Variants in PCBD1 observed in about 807,000 individuals in gnomAD.
PCBD1 encodes pterin-4-alpha-carbinolamine dehydratase.
A neutral mutation model predicts 12.6 loss-of-function variants in PCBD1; 16 were observed. The observed-to-expected ratio is 1.27, with a 90% CI of 0.86 to 1.93. The LOEUF (loss-of-function observed/expected upper bound fraction) is 1.93, where lower values mean the gene tolerates loss of function less well. Ranked by LOEUF, PCBD1 falls within the 30% of genes most tolerant of loss-of-function variation. PCBD1 has a pLI of 0.00. For missense variants in PCBD1, 86 were observed against 130.1 expected (o/e 0.66, Z 1.65); for synonymous variants, 53 against 50.2 (o/e 1.05, Z -0.23).
At chr10:70,885,101 G>A (rs761700479) in intron 3 of PCBD1, 51 bp downstream of exon 3, 33 of 1,442,552 alleles carry the variant, frequency 2.3e-5, no homozygotes, top group Admixed American at 5.0e-5. Flanking sequence ...GTCAGAGTTC[G>A]CAGTATTTGG....
At position 70,883,946 on chromosome 10, in the gene PCBD1, G is replaced by C. The variant is rs1230994886; in HGVS notation, c.*4C>G. The C allele has an allele frequency of 6.2e-7, 1 of 1,613,386 alleles. No individual in the cohort carries two copies. Among genetic ancestry groups the C allele is most frequent in the Non-Finnish European group, 8.5e-7 (1 of 1,179,776 alleles). On this transcript the variant is annotated 3_prime_UTR_variant, in exon 4 of 4. Transcript: ENST00000299299. ...CGGAAGAATTCAAAGAGGAAGGGCAGGGTCTATGTCATGGACACTGCTACT... is the reference window on the plus strand; with the variant it reads ...CGGAAGAATTCAAAGAGGAAGGGCACGGTCTATGTCATGGACACTGCTACT...
intron 1 of PCBD1, among the ~76,000 whole-genome samples, chr10:70,887,214 A>G (rs1261680536): frequency 6.6e-6 from 1 of 152,108 alleles, no homozygotes; most frequent in Admixed American, 6.5e-5. Flanking sequence ...TGTCATCTGC[A>G]TTACAAAAAA....
chr10:70,885,733 A>C (rs1846571390), intron 2 of PCBD1, 65 bp downstream of exon 2: 2 of 1,598,868 alleles, frequency 1.3e-6, no homozygotes, highest in Non-Finnish European at 8.6e-7. Flanking sequence ...AAGGGAGAGA[A>C]CATGCTTTGT....
Position 70,885,214 on chromosome 10 carries a change from T to G in PCBD1, c.154A>C (p.Arg52=). ...AGTTTCTCAGCCTGCAGGGCCACTC[T>G]TGTCATGAACCCAAAGGCCTATTTA... ...DFNRAFGFMT[R]VALQAEKLDH... The change falls in exon 3 of 4, where the codon AGA becomes CGA. Residue 52 remains arginine (R), a synonymous_variant. Transcript: ENST00000299299. 6.2e-7 allele frequency: 1 copy of G among 1,614,058 alleles called. No individual in the cohort carries two copies. Among genetic ancestry groups the G allele is most frequent in the African/African-American group, 1.3e-5 (1 of 75,042 alleles).
chr10:70,885,591 A>G (rs1268504467), intron 2 of PCBD1, among the ~76,000 whole-genome samples: 1 of 152,222 alleles, frequency 6.6e-6, no homozygotes, highest in Non-Finnish European at 1.5e-5. Flanking sequence ...CCCAAGACAC[A>G]TCCTCCTATG....
At chr10:70,886,631 T>TAGGCACTA (rs1395080803) in intron 1 of PCBD1, among the ~76,000 whole-genome samples, 2 of 152,204 alleles carry the variant, frequency 1.3e-5, no homozygotes, top group East Asian at 3.8e-4. Context: ...CTCTAGTAGG[T>TAGGCACTA]CCTCAGTCAT....
rs770934953 is a variant in PCBD1 at position 70,885,852 on chromosome 10, C to T, written c.81G>A (p.Glu27=). ...TGAAGATGGCATCACGGCCTTCCAG[C>T]TCATTCCACCCCACAGCCCTCAGGT... The part of the protein sequence containing the change: ...LPNLRAVGWN[E]LEGRDAIFKQ... Residue 27 remains glutamate, a synonymous_variant, in exon 2 of 4, where the codon GAG becomes GAA. Transcript: ENST00000299299. 1 of 1,614,072 alleles carries T rather than the reference C, an allele frequency of 6.2e-7. No individual in the cohort carries two copies. Among genetic ancestry groups the T allele is most frequent in the South Asian group, 1.1e-5 (1 of 91,024 alleles).
At chr10:70,884,602 C>G (rs1159656473) in intron 3 of PCBD1, among the ~76,000 whole-genome samples, 1 of 151,654 alleles carries the variant, frequency 6.6e-6, no homozygotes, top group African/African-American at 2.4e-5. Flanking sequence ...CTGCCTCAGC[C>G]TCCCCAGTAG....
At chr10:70,884,888 G>A (rs1413178171) in intron 3 of PCBD1, among the ~76,000 whole-genome samples, 1 of 152,046 alleles carries the variant, frequency 6.6e-6, no homozygotes, top group Non-Finnish European at 1.5e-5. Flanking sequence ...CCTTCTTAAT[G>A]TCTACTTAAA....
intron 1 of PCBD1, 74 bp downstream of exon 1, chr10:70,888,457 C>A: frequency 6.9e-7 from 1 of 1,447,866 alleles, no homozygotes; most frequent in South Asian, 1.3e-5. Flanking sequence ...TCCCCCGCCC[C>A]TTCCCGCTCC....
At chr10:70,885,749 G>A in intron 2 of PCBD1, 49 bp downstream of exon 2, 1 of 1,610,104 alleles carries the variant, frequency 6.2e-7, no homozygotes, top group South Asian at 1.1e-5. Flanking sequence ...TTTGTAAGGT[G>A]ACCCCATCAG....
chr10:70,886,670 G>A (rs1160283677), intron 1 of PCBD1, among the ~76,000 whole-genome samples: 2 of 152,222 alleles, frequency 1.3e-5, no homozygotes, highest in African/African-American at 4.8e-5. Flanking sequence ...GTCCTGAGCC[G>A]CCAGGGCTAG....
chr10:70,888,513 G>T lies in PCBD1; in HGVS notation c.3+18C>A. 6.9e-7 allele frequency: 1 copy of T among 1,440,846 alleles called. No individual in the cohort carries two copies. Among genetic ancestry groups the T allele is most frequent in the South Asian group, 1.4e-5 (1 of 71,910 alleles). 89.3% of individuals were successfully genotyped at this position (1,440,846 alleles called of 1,614,324 possible). A position where few individuals can be genotyped will look rare whatever the true frequency, so the allele number is the denominator to read the frequency against. On this transcript the variant is annotated intron_variant, in intron 1 of 3. Coordinates refer to ENST00000299299, the MANE Select transcript of PCBD1 (RefSeq NM_000281.4). Reference sequence around the variant, plus strand: ...CGGCCCCGCTGCCCCGATCGCGGCCGCGCACCCCTGGACTCACCATGGCGC... The same window carrying T: ...CGGCCCCGCTGCCCCGATCGCGGCCTCGCACCCCTGGACTCACCATGGCGC...
intron 1 of PCBD1, 26 bp downstream of exon 1, chr10:70,888,476 CCGCGGCTGCCCCGGCCCCGCTGCCCCGAT>C: frequency 6.9e-7 from 1 of 1,458,700 alleles, no homozygotes; most frequent in Non-Finnish European, 9.0e-7. Flanking sequence ...CCCACCTCGC[CCGCGGCTGCCCCGGCCCCGCTGCCCCGAT>C]CGCGGCCGCG....
At chr10:70,885,029 G>A in intron 3 of PCBD1, 123 bp downstream of exon 3, 2 of 795,686 alleles carry the variant, frequency 2.5e-6, no homozygotes, top group South Asian at 1.4e-5. Flanking sequence ...TTGGAAATGA[G>A]ATGAGTGGAT....
intron 1 of PCBD1, chr10:70,888,194 G>A (rs1370869618): frequency 3.8e-6 from 1 of 260,482 alleles, no homozygotes; most frequent in Non-Finnish European, 7.2e-6. Context: ...GCCACCAAGG[G>A]GACGAGATCC....
At chr10:70,882,699 T>G (rs1029695994), downstream of PCBD1, among the ~76,000 whole-genome samples, 5 of 152,188 alleles carry the variant, frequency 3.3e-5, no homozygotes, top group Non-Finnish European at 5.9e-5. Flanking sequence ...TCAAATGTTA[T>G]CCTCATTCAG....
Position 70,883,794 on chromosome 10 carries a change from C to A in PCBD1, c.*156G>T. ...TCTAAATTCCTGGTGTTGGTGGGGA[C>A]ACTGGCACATCCCACAGCAAGGACT... On this transcript the variant is annotated 3_prime_UTR_variant, in exon 4 of 4. Coordinates refer to ENST00000299299, the MANE Select transcript of PCBD1 (RefSeq NM_000281.4). The A allele has an allele frequency of 6.6e-7, 1 of 1,516,696 alleles. No homozygotes were observed. Among genetic ancestry groups the A allele is most frequent in the Non-Finnish European group, 8.8e-7 (1 of 1,132,294 alleles). The allele number at this position is 1,516,696 out of a possible 1,614,324, so 94.0% of individuals were successfully genotyped here.
downstream of PCBD1, among the ~76,000 whole-genome samples, chr10:70,882,916 T>C (rs1846521233): frequency 6.6e-6 from 1 of 152,196 alleles, no homozygotes; most frequent in African/African-American, 2.4e-5. Flanking sequence ...GCATCTCTAA[T>C]CTGAAAATCA....
Sources: allele counts gnomAD v4.1 joint callset (sites outside exome capture counted in the v4.1 genomes callset), GRCh38; gene constraint gnomAD v4.1.1; transcripts MANE v1.5; gene names NCBI Gene and HGNC (gene_info 2026-07-23, HGNC 2026-07-21).